Variants in CDH23 observed in about 807,000 individuals in gnomAD.
The protein encoded by CDH23 is cadherin related 23.
A neutral mutation model predicts 317.1 loss-of-function variants in CDH23; 189 were observed. The ratio of observed to expected loss-of-function variants is 0.60; its 90% confidence interval spans 0.53 to 0.67. CDH23 has a LOEUF of 0.67. Ranked by LOEUF, CDH23 falls within the 30% of genes least tolerant of loss-of-function variation. The probability of loss-of-function intolerance (pLI) is 0.00; values close to 1 mark genes in which losing one functional copy is unlikely to be tolerated. For missense variants in CDH23, 4,401 were observed against 4,592.4 expected (o/e 0.96, Z 1.20); for synonymous variants, 1,839 against 1,876.8 (o/e 0.98, Z 0.52).
intron 6 of CDH23, among the ~76,000 whole-genome samples, chr10:71,539,933 A>G (rs927828206): frequency 6.6e-6 from 1 of 152,172 alleles, no homozygotes; most frequent in Non-Finnish European, 1.5e-5. Flanking sequence ...TAAATGGTGG[A>G]AGAGCAAGGA....
chr10:71,643,917 G>C, intron 12 of CDH23, 51 bp downstream of exon 12: 1 of 765,488 alleles, frequency 1.3e-6, no homozygotes, highest in Non-Finnish European at 2.4e-6. Context: ...GGCTTGTGGT[G>C]GGCACAGTGG....
chr10:71,684,574 C>T lies in CDH23; in HGVS notation c.1986+2002C>T, dbSNP rs144890743. Among the ~76,000 whole-genome samples, 1,092 of 152,328 alleles carry T rather than the reference C, an allele frequency of 7.2e-3. 6 individuals are homozygous for T. The highest frequency in any genetic ancestry group is 0.011 in the Non-Finnish European group (769 of 68,026). On this transcript the variant is annotated intron_variant, in intron 18 of 69. Transcript: ENST00000224721. ...GTCTCTGAAACAACTTCCTCATCTG[C>T]AAAATGGTGGTAATCGTGATACCTG...
At chr10:71,605,187 C>G (rs1035173672) in intron 9 of CDH23, among the ~76,000 whole-genome samples, 33 of 151,798 alleles carry the variant, frequency 2.2e-4, no homozygotes, top group African/African-American at 7.7e-4. Context: ...ACAACTGTCA[C>G]CACTAGGAAG....
At chr10:71,668,442 G>T (rs1393563033) in intron 14 of CDH23, among the ~76,000 whole-genome samples, 3 of 152,306 alleles carry the variant, frequency 2.0e-5, no homozygotes, top group East Asian at 1.9e-4. Context: ...CCAAAGGGAG[G>T]AGCAAGGGAG....
chr10:71,616,292 G>A (rs936782107), intron 10 of CDH23, among the ~76,000 whole-genome samples: 3 of 152,242 alleles, frequency 2.0e-5, no homozygotes, highest in Non-Finnish European at 4.4e-5. Flanking sequence ...GAGGCCAGGG[G>A]CTCTGGGAAG....
At chr10:71,780,726 AG>A (rs1192320805) in intron 41 of CDH23, among the ~76,000 whole-genome samples, 1 of 152,228 alleles carries the variant, frequency 6.6e-6, no homozygotes, top group Non-Finnish European at 1.5e-5. Flanking sequence ...AGGTTTCAGC[AG>A]GACCACTCTG....
chr10:71,627,760 G>A (rs891092324), intron 11 of CDH23, among the ~76,000 whole-genome samples: 10 of 152,072 alleles, frequency 6.6e-5, no homozygotes, highest in African/African-American at 9.7e-5. Context: ...CCACACCCAC[G>A]GCCACCCACA....
chr10:71,775,017 G>A (rs1358267417), intron 38 of CDH23, among the ~76,000 whole-genome samples: 1 of 152,214 alleles, frequency 6.6e-6, no homozygotes, highest in African/African-American at 2.4e-5. Flanking sequence ...CAGTCCCCCT[G>A]GAGCCAGTGA....
chr10:71,596,626 C>G (rs1859866419), intron 9 of CDH23, among the ~76,000 whole-genome samples: 1 of 152,220 alleles, frequency 6.6e-6, no homozygotes, highest in Admixed American at 6.5e-5. Flanking sequence ...ACCCCTCTCC[C>G]TCCAGTGTGG....
At chr10:71,486,641 G>A (rs866814086) in intron 3 of CDH23, among the ~76,000 whole-genome samples, 23 of 152,310 alleles carry the variant, frequency 1.5e-4, no homozygotes, top group Middle Eastern at 3.4e-3. Context: ...GATGGGAAAC[G>A]GAGGCTCAGG....
intron 37 of CDH23, among the ~76,000 whole-genome samples, 155 bp from the exon 38 acceptor site, chr10:71,741,539 C>T (rs1031121135): frequency 1.1e-4 from 16 of 152,236 alleles, no homozygotes; most frequent in Non-Finnish European, 2.2e-4. Context: ...AGAATGTTCG[C>T]TGCTATCATC....
chr10:71,602,687 C>G (rs1402490267), intron 9 of CDH23, among the ~76,000 whole-genome samples: 1 of 152,150 alleles, frequency 6.6e-6, no homozygotes, highest in Non-Finnish European at 1.5e-5. Flanking sequence ...TCCTGCTTAA[C>G]GTCATCCAGT....
At chr10:71,417,169 C>T (rs955823603) in intron 1 of CDH23, among the ~76,000 whole-genome samples, 1 of 151,260 alleles carries the variant, frequency 6.6e-6, no homozygotes, top group African/African-American at 2.4e-5. Context: ...CTCTGCTGCT[C>T]GGGTTCAAGT....
At chr10:71,596,763 G>A (rs1041620858) in intron 9 of CDH23, among the ~76,000 whole-genome samples, 2 of 152,210 alleles carry the variant, frequency 1.3e-5, no homozygotes, top group African/African-American at 4.8e-5. Context: ...GAAAGTGCTG[G>A]AAGCCAGGTG....
rs549569431 is a variant in CDH23 at position 71,646,578 on chromosome 10, C to T, written c.1410C>T (p.Tyr470=). The change falls in exon 14 of 70, where the codon TAC becomes TAT. Residue 470 remains tyrosine, a synonymous_variant. Coordinates refer to ENST00000224721, the MANE Select transcript of CDH23 (RefSeq NM_022124.6). Reference sequence around the variant, plus strand: ...AGCCACTGTACAACATCAGCCTGTACGAGAACGTCACCGTGGGGACCTCTG... The same window carrying T: ...AGCCACTGTACAACATCAGCCTGTATGAGAACGTCACCGTGGGGACCTCTG... The part of the protein sequence containing the change: ...FSQPLYNISL[Y]ENVTVGTSVL... 1.0e-4 allele frequency: 168 copies of T among 1,614,018 alleles called. 1 individual carries two copies. The South Asian group carries it at 1.2e-3, about 12-fold the overall frequency.
intron 3 of CDH23, among the ~76,000 whole-genome samples, chr10:71,500,799 C>G (rs1564618359): frequency 6.9e-6 from 1 of 145,160 alleles, no homozygotes; most frequent in Non-Finnish European, 1.5e-5. Context: ...CTTTTCTTTT[C>G]TTTTCTTTTC....
chr10:71,703,947 C>T (rs1490522989), intron 24 of CDH23, among the ~76,000 whole-genome samples: 1 of 152,252 alleles, frequency 6.6e-6, no homozygotes, highest in Non-Finnish European at 1.5e-5. Flanking sequence ...AACTTGGAAA[C>T]TGTCCTCACA....
chr10:71,675,777 T>C (rs1226996323), intron 15 of CDH23, among the ~76,000 whole-genome samples: 1 of 152,170 alleles, frequency 6.6e-6, no homozygotes, highest in East Asian at 1.9e-4. Flanking sequence ...GGTGGGTTAC[T>C]CACCTCCCTG....
At chr10:71,741,642 T>C (rs927333886) in intron 37 of CDH23, 52 bp from the exon 38 acceptor site, 1 of 1,507,540 alleles carries the variant, frequency 6.6e-7, no homozygotes, top group African/African-American at 1.4e-5. Flanking sequence ...GGTGCCAGAC[T>C]GTGCCCCAAT....
Sources: allele counts gnomAD v4.1 joint callset (sites outside exome capture counted in the v4.1 genomes callset), GRCh38; gene constraint gnomAD v4.1.1; transcripts MANE v1.5; gene names NCBI Gene and HGNC (gene_info 2026-07-23, HGNC 2026-07-21).